KCND2: variants seen among roughly 807,000 people sequenced by gnomAD.
The protein encoded by KCND2 is potassium voltage-gated channel subfamily D member 2, also known as A-type voltage-gated potassium channel KCND2.
A neutral mutation model predicts 54.4 loss-of-function variants in KCND2; 16 were observed. That is an observed-to-expected ratio of 0.29 (90% CI 0.20 to 0.45). The LOEUF (loss-of-function observed/expected upper bound fraction) is 0.45. KCND2 is among the 20% of genes least tolerant of loss of function. The pLI, the probability that KCND2 is intolerant of heterozygous loss-of-function variation, is 1.00. For synonymous variants in KCND2, 317 were observed against 310.7 expected (o/e 1.02, Z -0.21); for missense variants, 486 against 824.2 (o/e 0.59, Z 5.02).
chr7:120,570,381 C>G (rs1381937839), intron 1 of KCND2, among the ~76,000 whole-genome samples: 1 of 150,344 alleles, frequency 6.7e-6, no homozygotes, highest in African/African-American at 2.5e-5. Flanking sequence ...CCACGTAATA[C>G]AACTGCACTT....
chr7:120,668,203 A>C (rs550983554), intron 1 of KCND2, among the ~76,000 whole-genome samples: 1 of 152,050 alleles, frequency 6.6e-6, no homozygotes, highest in South Asian at 2.1e-4. Context: ...TCCTCAAAAA[A>C]TTTCACACGT....
chr7:120,619,022 G>A (rs530468494), intron 1 of KCND2, among the ~76,000 whole-genome samples: 1 of 152,212 alleles, frequency 6.6e-6, no homozygotes, highest in Admixed American at 6.5e-5. Context: ...TCTAGAAGTT[G>A]CAAATCATTA....
At position 120,311,162 on chromosome 7, in the gene KCND2, G is replaced by C. The variant is rs541913293; in HGVS notation, c.1115+35415G>C. ...TTTCCTTTTCTATATTTAGGTTCCT[G>C]ATTAACAGAGTGTAGACATATGCTG... On this transcript the variant is annotated intron_variant, in intron 1 of 5. Transcript: ENST00000331113. Among the ~76,000 whole-genome samples the C allele has an allele frequency of 9.0e-4, 137 of 152,114 alleles. 1 individual carries two copies. Among genetic ancestry groups the C allele is most frequent in the Middle Eastern group, 3.4e-3 (1 of 294 alleles).
chr7:120,692,309 G>A (rs922645480), intron 1 of KCND2, among the ~76,000 whole-genome samples: 16 of 152,138 alleles, frequency 1.1e-4, no homozygotes, highest in African/African-American at 3.4e-4. Flanking sequence ...CTGTACCAAG[G>A]GCAACTTCCA....
intron 1 of KCND2, among the ~76,000 whole-genome samples, chr7:120,598,783 T>A (rs1792779326): frequency 6.6e-6 from 1 of 152,228 alleles, no homozygotes; most frequent in African/African-American, 2.4e-5. Flanking sequence ...TGTTACTTTC[T>A]TAACAGTCTT....
chr7:120,517,460 A>C (rs1803213451), intron 1 of KCND2, among the ~76,000 whole-genome samples: 1 of 152,126 alleles, frequency 6.6e-6, no homozygotes, highest in African/African-American at 2.4e-5. Flanking sequence ...TTAGTATTCG[A>C]TTGCTACAAT....
At chr7:120,511,024 T>TCTCACACACA (rs36008574) in intron 1 of KCND2, among the ~76,000 whole-genome samples, 11 of 145,082 alleles carry the variant, frequency 7.6e-5, no homozygotes, top group African/African-American at 2.8e-4. Flanking sequence ...TCTCTCTCTC[T>TCTCACACACA]CACACACACA....
chr7:120,682,732 A>G (rs145124760), intron 1 of KCND2, among the ~76,000 whole-genome samples: 27 of 152,284 alleles, frequency 1.8e-4, no homozygotes, highest in East Asian at 7.7e-4. Context: ...TGCTTTAGCT[A>G]TATGTAACAC....
chr7:120,679,129 T>A (rs1430223395), intron 1 of KCND2, among the ~76,000 whole-genome samples: 1 of 151,870 alleles, frequency 6.6e-6, no homozygotes, highest in Non-Finnish European at 1.5e-5. Flanking sequence ...CTTTATTTTA[T>A]CACCCTACTT....
chr7:120,562,027 A>G (rs1364771853), intron 1 of KCND2, among the ~76,000 whole-genome samples: 1 of 152,204 alleles, frequency 6.6e-6, no homozygotes, highest in African/African-American at 2.4e-5. Context: ...AAGGAAAAAG[A>G]TGGTCAGTTT....
chr7:120,460,224 A>T (rs1423739690), intron 1 of KCND2, among the ~76,000 whole-genome samples: 3 of 152,172 alleles, frequency 2.0e-5, no homozygotes, highest in Non-Finnish European at 4.4e-5. Flanking sequence ...TATAGACCAG[A>T]CACTCTTTAG....
chr7:120,382,891 T>G (rs1420431688), intron 1 of KCND2, among the ~76,000 whole-genome samples: 1 of 151,936 alleles, frequency 6.6e-6, no homozygotes, highest in East Asian at 1.9e-4. Flanking sequence ...ATCTTTCTAC[T>G]TCTGTTCAGA....
intron 1 of KCND2, among the ~76,000 whole-genome samples, chr7:120,336,757 G>A (rs2116358248): frequency 6.6e-6 from 1 of 152,220 alleles, no homozygotes; most frequent in African/African-American, 2.4e-5. Context: ...ACATAAGGGT[G>A]CATACATATC....
intron 1 of KCND2, among the ~76,000 whole-genome samples, chr7:120,583,838 G>T (rs1792552970): frequency 6.6e-6 from 1 of 151,360 alleles, no homozygotes; most frequent in South Asian, 2.1e-4. Flanking sequence ...GTAATTGTGT[G>T]AAAAAAAGCA....
intron 1 of KCND2, among the ~76,000 whole-genome samples, chr7:120,585,526 C>T (rs141329079): frequency 2.0e-4 from 30 of 152,126 alleles, no homozygotes; most frequent in African/African-American, 6.7e-4. Flanking sequence ...GTAGAGAAAG[C>T]ATGGGTCTGA....
chr7:120,519,765 T>C (rs1791664956), intron 1 of KCND2, among the ~76,000 whole-genome samples: 1 of 152,174 alleles, frequency 6.6e-6, no homozygotes, highest in Non-Finnish European at 1.5e-5. Context: ...TATTTTCCAA[T>C]AGGCAAAACT....
intron 1 of KCND2, among the ~76,000 whole-genome samples, chr7:120,454,912 A>C (rs1802171738): frequency 2.0e-5 from 3 of 152,228 alleles, no homozygotes; most frequent in Admixed American, 2.0e-4. Flanking sequence ...AAGCCAAATC[A>C]AGAATGCAAT....
intron 2 of KCND2, among the ~76,000 whole-genome samples, chr7:120,738,622 C>T (rs1792902829): frequency 6.6e-6 from 1 of 152,092 alleles, no homozygotes; most frequent in Non-Finnish European, 1.5e-5. Flanking sequence ...AAACTTTTCT[C>T]CAACTTCCAT....
At chr7:120,537,723 T>C (rs1310397198) in intron 1 of KCND2, among the ~76,000 whole-genome samples, 1 of 152,174 alleles carries the variant, frequency 6.6e-6, no homozygotes, top group Admixed American at 6.6e-5. Flanking sequence ...ATGGCTTCTT[T>C]CCGTAAACCT....
Sources: gnomAD v4.1 joint callset for allele counts (sites outside exome capture counted in the v4.1 genomes callset) on GRCh38, gnomAD v4.1.1 for gene constraint, MANE v1.5 for transcripts, NCBI Gene and HGNC (gene_info 2026-07-23, HGNC 2026-07-21) for gene names.